Variants in RANBP17 observed in about 807,000 individuals in gnomAD.
RANBP17 encodes the protein RAN binding protein 17.
A neutral mutation model predicts 141.2 loss-of-function variants in RANBP17; 158 were observed. The observed-to-expected ratio is 1.12, with a 90% CI of 0.98 to 1.28. The LOEUF is 1.28. Among genes scored for constraint, RANBP17 ranks in the 50% most tolerant of loss-of-function variants. The pLI is 0.00. For missense variants in RANBP17, 1,438 were observed against 1,290.7 expected (o/e 1.11, Z -1.75); for synonymous variants, 430 against 450.0 (o/e 0.96, Z 0.56).
At chr5:171,177,212 CTGTT>C (rs935559505) in intron 16 of RANBP17, among the ~76,000 whole-genome samples, 95 of 152,158 alleles carry the variant, frequency 6.2e-4, no homozygotes, top group Admixed American at 8.5e-4. Context: ...TTTATCTCCT[CTGTT>C]TGTTTGAATA....
chr5:171,268,555 A>G (rs1766888740), intron 25 of RANBP17, among the ~76,000 whole-genome samples: 1 of 150,954 alleles, frequency 6.6e-6, no homozygotes, highest in South Asian at 2.1e-4. Flanking sequence ...TCCCCACCCC[A>G]CCCAAATGCA....
intron 14 of RANBP17, among the ~76,000 whole-genome samples, chr5:171,137,571 G>GT (rs757634108): frequency 3.2e-5 from 2 of 63,054 alleles, no homozygotes; most frequent in Non-Finnish European, 7.5e-5. Flanking sequence ...GTTGACTTGA[G>GT]ATGTGTGTGT....
intron 14 of RANBP17, among the ~76,000 whole-genome samples, chr5:171,099,463 A>G (rs117479390): frequency 0.046 from 6,988 of 152,182 alleles, 202 homozygotes; most frequent in East Asian, 0.12. Context: ...ATATCCTGAG[A>G]CTTTGTTGAC....
chr5:170,944,658 ATCT>A (rs780865920), intron 12 of RANBP17, among the ~76,000 whole-genome samples: 28 of 152,364 alleles, frequency 1.8e-4, no homozygotes, highest in East Asian at 7.7e-4. Flanking sequence ...TTTAAGAAAT[ATCT>A]TCTTTTCATT....
At chr5:170,973,029 A>G (rs1389437165) in intron 14 of RANBP17, among the ~76,000 whole-genome samples, 1 of 152,134 alleles carries the variant, frequency 6.6e-6, no homozygotes, top group Non-Finnish European at 1.5e-5. Context: ...CATGATTCAT[A>G]TGTGCTGCTG....
Position 170,869,718 on chromosome 5 carries a change from C to T in RANBP17, c.18+7667C>T, listed in dbSNP as rs78837372. On this transcript the variant is annotated intron_variant, in intron 1 of 27. Coordinates refer to ENST00000523189, the MANE Select transcript of RANBP17 (RefSeq NM_022897.5). The stretch of plus-strand genomic sequence containing the variant: ...GGAATACCAGTCAGTGGATTTAGGG[C>T]GCACTGTAAATCCAGCATGATCTCA... 2.6e-3 allele frequency among the ~76,000 whole-genome samples: 394 copies of T among 152,216 alleles called. 7 individuals are homozygous for T. In the East Asian group the frequency reaches 0.041, roughly 16 times the overall value.
intron 14 of RANBP17, among the ~76,000 whole-genome samples, chr5:171,148,523 A>G (rs1222114680): frequency 6.6e-6 from 1 of 152,180 alleles, no homozygotes; most frequent in Non-Finnish European, 1.5e-5. Flanking sequence ...ACCACATTTG[A>G]TGCTATCAGA....
intron 25 of RANBP17, among the ~76,000 whole-genome samples, chr5:171,280,605 C>G (rs905857207): frequency 1.3e-5 from 2 of 152,172 alleles, no homozygotes; most frequent in Admixed American, 1.3e-4. Flanking sequence ...CAGCAGTAGC[C>G]ACTGATGGAG....
chr5:170,920,318 T>C (rs904958443), intron 11 of RANBP17, among the ~76,000 whole-genome samples: 5 of 152,202 alleles, frequency 3.3e-5, no homozygotes, highest in African/African-American at 1.2e-4. Flanking sequence ...GTGTTCTCAC[T>C]AGCACTTGAT....
intron 4 of RANBP17, among the ~76,000 whole-genome samples, chr5:170,895,039 T>C (rs554384937): frequency 6.6e-6 from 1 of 152,206 alleles, no homozygotes; most frequent in Admixed American, 6.5e-5. Context: ...TACCACACTT[T>C]GGGGAACATT....
chr5:171,227,110 G>A (rs1763927705), intron 22 of RANBP17, among the ~76,000 whole-genome samples: 1 of 152,194 alleles, frequency 6.6e-6, no homozygotes, highest in Non-Finnish European at 1.5e-5. Flanking sequence ...GTATTCAAGT[G>A]AAAGTAAGAG....
At chr5:171,044,385 T>A (rs1428924535) in intron 14 of RANBP17, among the ~76,000 whole-genome samples, 1 of 152,016 alleles carries the variant, frequency 6.6e-6, no homozygotes, top group Non-Finnish European at 1.5e-5. Context: ...AAGGAAGAAT[T>A]TTTTATGTTG....
chr5:170,958,458 A>G (rs1438417751), intron 13 of RANBP17, among the ~76,000 whole-genome samples: 1 of 152,180 alleles, frequency 6.6e-6, no homozygotes, highest in Non-Finnish European at 1.5e-5. Context: ...AGCAGGGCCA[A>G]GCAAATTCAA....
chr5:171,062,531 T>C (rs1397989961), intron 14 of RANBP17, among the ~76,000 whole-genome samples: 1 of 152,214 alleles, frequency 6.6e-6, no homozygotes, highest in Non-Finnish European at 1.5e-5. Context: ...AGAGATCCGC[T>C]GTTAGTCTGA....
chr5:171,093,777 T>C (rs1786483742), intron 14 of RANBP17, among the ~76,000 whole-genome samples: 1 of 152,218 alleles, frequency 6.6e-6, no homozygotes, highest in South Asian at 2.1e-4. Flanking sequence ...AATTTAGTGC[T>C]TTGGGCAATA....
chr5:170,904,291 GA>G, intron 5 of RANBP17: 1 of 259,166 alleles, frequency 3.9e-6, no homozygotes. Flanking sequence ...GGCTCTACAA[GA>G]AAAAAGCTCA....
intron 13 of RANBP17, among the ~76,000 whole-genome samples, chr5:170,957,002 A>T (rs1311921316): frequency 6.6e-6 from 1 of 151,388 alleles, no homozygotes; most frequent in Admixed American, 6.6e-5. Flanking sequence ...CCCCGGAGGC[A>T]GAGCTTGCAG....
chr5:171,227,822 T>G (rs897628246), intron 22 of RANBP17, among the ~76,000 whole-genome samples: 3 of 152,208 alleles, frequency 2.0e-5, no homozygotes, highest in Non-Finnish European at 4.4e-5. Context: ...AGAATTATGC[T>G]AAATCTACTC....
intron 1 of RANBP17, among the ~76,000 whole-genome samples, chr5:170,876,452 A>G (rs1487949207): frequency 1.3e-5 from 2 of 152,166 alleles, no homozygotes; most frequent in Non-Finnish European, 2.9e-5. Flanking sequence ...TAAAGATTGT[A>G]TGCATTTTCC....
Sources: allele counts gnomAD v4.1 joint callset (sites outside exome capture counted in the v4.1 genomes callset), GRCh38; gene constraint gnomAD v4.1.1; transcripts MANE v1.5; gene names NCBI Gene and HGNC (gene_info 2026-07-23, HGNC 2026-07-21).